The following UTRN variants were observed in gnomAD, a reference collection of about 807,000 sequenced individuals.
UTRN encodes dystrophin-related protein 1.
In UTRN, 283 loss-of-function variants were observed where a neutral mutation model predicts 463.9. That is an observed-to-expected ratio of 0.61 (90% CI 0.55 to 0.67). The LOEUF (loss-of-function observed/expected upper bound fraction) is 0.67. Among genes scored for constraint, UTRN ranks in the 30% least tolerant of loss-of-function variants. The probability of loss-of-function intolerance (pLI) is 0.00; values close to 1 mark genes in which losing one functional copy is unlikely to be tolerated. For synonymous variants in UTRN, 1,442 were observed against 1,431.5 expected (o/e 1.01, Z -0.17); for missense variants, 3,922 against 4,084.3 (o/e 0.96, Z 1.08).
intron 66 of UTRN, among the ~76,000 whole-genome samples, chr6:144,825,760 A>G (rs1206204018): frequency 6.6e-6 from 1 of 152,188 alleles, no homozygotes; most frequent in Non-Finnish European, 1.5e-5. Context: ...TTTAGAAAGT[A>G]TATAGCATAT....
Position 144,694,523 on chromosome 6 carries a change from C to T in UTRN, c.7653-5564C>T, listed in dbSNP as rs183702218. Reference sequence around the variant, plus strand: ...AGCTATGAATCCATCTGGTCCTGGGCTTTTTTTTGGGTGGTAAGCTATTTA... The same window carrying T: ...AGCTATGAATCCATCTGGTCCTGGGTTTTTTTTTGGGTGGTAAGCTATTTA... On this transcript the variant is annotated intron_variant, in intron 52 of 74. Transcript: ENST00000367545. Among the ~76,000 whole-genome samples, 44 of 151,632 alleles carry T rather than the reference C, an allele frequency of 2.9e-4. No homozygotes were observed. In the East Asian group the frequency reaches 8.0e-3, roughly 27 times the overall value.
intron 25 of UTRN, among the ~76,000 whole-genome samples, chr6:144,476,908 G>A (rs1791268986): frequency 6.6e-6 from 1 of 152,124 alleles, no homozygotes; most frequent in Non-Finnish European, 1.5e-5. Flanking sequence ...AAATGGGTGG[G>A]TGCTGGTGAT....
chr6:144,314,116 A>G (rs1015681703), intron 2 of UTRN, among the ~76,000 whole-genome samples: 25 of 152,230 alleles, frequency 1.6e-4, no homozygotes, highest in African/African-American at 5.1e-4. Flanking sequence ...AAAAAGAGAA[A>G]AAACAACCTT....
At chr6:144,430,471 C>G (rs1381299975) in intron 9 of UTRN, among the ~76,000 whole-genome samples, 1 of 152,074 alleles carries the variant, frequency 6.6e-6, no homozygotes, top group African/African-American at 2.4e-5. Flanking sequence ...ACCAAGCAAC[C>G]AAGACATACA....
chr6:144,638,080 A>G (rs1325088968), intron 51 of UTRN, among the ~76,000 whole-genome samples: 1 of 152,120 alleles, frequency 6.6e-6, no homozygotes, highest in African/African-American at 2.4e-5. Flanking sequence ...TATTTAGGAA[A>G]TTTTCTTTTC....
chr6:144,579,784 G>A (rs1441667628), intron 51 of UTRN, among the ~76,000 whole-genome samples: 2 of 152,032 alleles, frequency 1.3e-5, no homozygotes, highest in Admixed American at 1.3e-4. Context: ...TCTTTTGGCT[G>A]GTAGAAAGTA....
intron 44 of UTRN, among the ~76,000 whole-genome samples, chr6:144,538,767 A>G (rs925919312): frequency 6.6e-6 from 1 of 152,222 alleles, no homozygotes; most frequent in African/African-American, 2.4e-5. Flanking sequence ...GATTTTGTCT[A>G]TAAAGGAGTA....
chr6:144,660,812 G>A (rs899045556), intron 51 of UTRN, among the ~76,000 whole-genome samples: 2 of 152,190 alleles, frequency 1.3e-5, no homozygotes, highest in Admixed American at 1.3e-4. Context: ...GAGCGTGTCT[G>A]TTTTAAACAT....
intron 65 of UTRN, among the ~76,000 whole-genome samples, chr6:144,812,014 T>A (rs1002147253): frequency 6.6e-6 from 1 of 152,184 alleles, no homozygotes; most frequent in Admixed American, 6.5e-5. Context: ...TGTAACTTAT[T>A]CATATTTGTA....
chr6:144,717,476 C>T (rs747519106), intron 53 of UTRN, among the ~76,000 whole-genome samples: 47 of 151,954 alleles, frequency 3.1e-4, no homozygotes, highest in Admixed American at 1.6e-3. Context: ...TGGAAGAAAC[C>T]GGTTCACAAA....
Position 144,320,053 on chromosome 6 carries a change from C to T in UTRN, c.79+28146C>T, listed in dbSNP as rs574419399. Among the ~76,000 whole-genome samples the T allele has an allele frequency of 5.9e-5, 9 of 151,654 alleles. No individual in the cohort carries two copies. In the South Asian group the frequency reaches 1.0e-3, roughly 18 times the overall value. On this transcript the variant is annotated intron_variant, in intron 2 of 74. Coordinates refer to ENST00000367545, the MANE Select transcript of UTRN (RefSeq NM_007124.3). The stretch of plus-strand genomic sequence containing the variant: ...ATTTTTGGTAGAGACGGGCTTTCAC[C>T]GTGTTGGCCAGGCTTGCCTTGAACT...
intron 50 of UTRN, among the ~76,000 whole-genome samples, chr6:144,567,113 C>T (rs921859905): frequency 2.6e-5 from 4 of 152,154 alleles, no homozygotes; most frequent in Non-Finnish European, 4.4e-5. Context: ...CACCACTGCA[C>T]TCCAGCCTTG....
intron 27 of UTRN, among the ~76,000 whole-genome samples, chr6:144,484,983 C>T (rs1264752280): frequency 1.3e-5 from 2 of 152,006 alleles, no homozygotes; most frequent in African/African-American, 2.4e-5. Flanking sequence ...GGTGCAATCT[C>T]AGCTCACCGC....
At chr6:144,513,774 C>A (rs767701806) in intron 35 of UTRN, 135 bp from the exon 36 acceptor site, 13 of 900,952 alleles carry the variant, frequency 1.4e-5, no homozygotes, top group Non-Finnish European at 2.1e-5. Context: ...TGAAGAAGAG[C>A]TCTGCAGGAA....
intron 48 of UTRN, among the ~76,000 whole-genome samples, chr6:144,553,983 G>A (rs1037348915): frequency 3.3e-5 from 5 of 151,260 alleles, no homozygotes; most frequent in Admixed American, 6.6e-5. Flanking sequence ...AATAGAGAAA[G>A]GAGAAGAGAG....
chr6:144,653,243 G>T (rs537181672), intron 51 of UTRN, among the ~76,000 whole-genome samples: 5 of 152,208 alleles, frequency 3.3e-5, no homozygotes, highest in South Asian at 4.2e-4. Flanking sequence ...GTATACATAG[G>T]ATATGTACGT....
At chr6:144,747,472 C>T (rs1790888153) in intron 54 of UTRN, among the ~76,000 whole-genome samples, 1 of 152,196 alleles carries the variant, frequency 6.6e-6, no homozygotes, top group Non-Finnish European at 1.5e-5. Context: ...ATTTCTGACC[C>T]TTGGCTTTGA....
chr6:144,344,428 A>G, intron 2 of UTRN: 5 of 1,121,252 alleles, frequency 4.5e-6, no homozygotes, highest in Non-Finnish European at 5.9e-6. Flanking sequence ...GGTGACGGGA[A>G]CAGACAGCCT....
intron 2 of UTRN, among the ~76,000 whole-genome samples, chr6:144,391,107 A>T (rs1781879778): frequency 6.6e-6 from 1 of 152,024 alleles, no homozygotes; most frequent in South Asian, 2.1e-4. Flanking sequence ...GGTCTTGCTC[A>T]GTCACCTAGG....
Sources: gnomAD v4.1 joint callset for allele counts (sites outside exome capture counted in the v4.1 genomes callset) on GRCh38, gnomAD v4.1.1 for gene constraint, MANE v1.5 for transcripts, NCBI Gene and HGNC (gene_info 2026-07-23, HGNC 2026-07-21) for gene names.